Variants in GPC5 observed in about 807,000 individuals in gnomAD.
The protein encoded by GPC5 is glypican 5, also known as glypican-5.
A neutral mutation model predicts 53.9 loss-of-function variants in GPC5; 47 were observed. The observed-to-expected ratio is 0.87, with a 90% CI of 0.69 to 1.11. The LOEUF (loss-of-function observed/expected upper bound fraction) is 1.11, where lower values mean the gene tolerates loss of function less well. GPC5 is among the 50% of genes most tolerant of loss of function. The pLI is 0.00. For synonymous variants in GPC5, 286 were observed against 263.3 expected, an observed-to-expected ratio of 1.09 and a Z score of -0.84; for missense variants, 748 against 713.1, an observed-to-expected ratio of 1.05 and a Z score of -0.56.
chr13:92,639,104 C>T (rs1479859475), intron 7 of GPC5, among the ~76,000 whole-genome samples: 2 of 152,140 alleles, frequency 1.3e-5, no homozygotes, highest in African/African-American at 2.4e-5. Flanking sequence ...GTTCAGTAAA[C>T]ATTTTTAGTA....
intron 1 of GPC5, among the ~76,000 whole-genome samples, chr13:91,411,657 T>C (rs768230779): frequency 4.6e-5 from 7 of 152,194 alleles, no homozygotes; most frequent in Admixed American, 1.3e-4. Context: ...AACTACTTTC[T>C]CTCTTTGCTT....
chr13:92,072,029 A>T (rs1400736692), intron 6 of GPC5, among the ~76,000 whole-genome samples: 2 of 146,378 alleles, frequency 1.4e-5, no homozygotes, highest in African/African-American at 4.9e-5. Context: ...CCACATATGT[A>T]TATAAAATAA....
At chr13:91,519,609 C>T (rs963421951) in intron 2 of GPC5, among the ~76,000 whole-genome samples, 2 of 152,170 alleles carry the variant, frequency 1.3e-5, no homozygotes, top group African/African-American at 4.8e-5. Flanking sequence ...TGAGGCCTCC[C>T]CAGCCATGTG....
intron 7 of GPC5, among the ~76,000 whole-genome samples, chr13:92,359,829 C>T (rs1566556039): frequency 6.6e-6 from 1 of 151,788 alleles, no homozygotes; most frequent in East Asian, 1.9e-4. Context: ...ATTCAATCAC[C>T]TCCCACCAGG....
At chr13:92,257,546 A>ATTTTTTTTTTTT (rs398023955) in intron 7 of GPC5, among the ~76,000 whole-genome samples, 2,717 of 72,656 alleles carry the variant, frequency 0.037, 461 homozygotes, top group Non-Finnish European at 0.049. Context: ...TAATACAGGG[A>ATTTTTTTTTTTT]TTTTTTTTTT....
At chr13:91,790,856 G>T (rs1308221609) in intron 5 of GPC5, among the ~76,000 whole-genome samples, 1 of 152,020 alleles carries the variant, frequency 6.6e-6, no homozygotes, top group Non-Finnish European at 1.5e-5. Context: ...GTGATGAATG[G>T]CTGTGCTAAC....
chr13:91,705,883 CTTT>C (rs11411010), intron 3 of GPC5, among the ~76,000 whole-genome samples: 1 of 134,262 alleles, frequency 7.4e-6, no homozygotes, highest in Non-Finnish European at 1.6e-5. Context: ...TCTTTCTTTT[CTTT>C]TTTTTTTTTT....
At chr13:91,474,204 C>A (rs2139189950) in intron 2 of GPC5, among the ~76,000 whole-genome samples, 1 of 152,148 alleles carries the variant, frequency 6.6e-6, no homozygotes, top group East Asian at 1.9e-4. Flanking sequence ...CTTTGTAAAT[C>A]TATTTTATTC....
At chr13:92,216,822 T>C (rs1465626857) in intron 7 of GPC5, among the ~76,000 whole-genome samples, 2 of 151,780 alleles carry the variant, frequency 1.3e-5, no homozygotes, top group African/African-American at 4.8e-5. Flanking sequence ...TCTACCAAAA[T>C]ACAAAGATTA....
intron 5 of GPC5, among the ~76,000 whole-genome samples, chr13:91,804,649 C>T (rs1453676447): frequency 5.3e-5 from 8 of 152,098 alleles, no homozygotes; most frequent in Non-Finnish European, 8.8e-5. Flanking sequence ...TGATAATTCT[C>T]GCTAATTTTA....
At chr13:92,520,984 TAACA>T (rs1366990301) in intron 7 of GPC5, among the ~76,000 whole-genome samples, 8 of 150,878 alleles carry the variant, frequency 5.3e-5, no homozygotes, top group African/African-American at 9.7e-5. Context: ...TATACACCAA[TAACA>T]AACAGAGAGC....
At position 92,732,324 on chromosome 13, in the gene GPC5, G is replaced by A. The variant is rs1216817142; in HGVS notation, c.1562-133958G>A. On this transcript the variant is annotated intron_variant, in intron 7 of 7. Coordinates refer to ENST00000377067, the MANE Select transcript of GPC5 (RefSeq NM_004466.6). ...TAAAATCCCTCAGAGGCTCAAACTTGTTATTGTCTTGAGCTTCTCACTTAT... is the reference window on the plus strand; with the variant it reads ...TAAAATCCCTCAGAGGCTCAAACTTATTATTGTCTTGAGCTTCTCACTTAT... Among the ~76,000 whole-genome samples, 5 of 151,428 alleles carry A rather than the reference G, an allele frequency of 3.3e-5. No homozygotes were observed. The Admixed American group carries it at 3.3e-4, about 10-fold the overall frequency.
chr13:92,291,021 T>G (rs1253319388), intron 7 of GPC5, among the ~76,000 whole-genome samples: 1 of 152,096 alleles, frequency 6.6e-6, no homozygotes, highest in Non-Finnish European at 1.5e-5. Flanking sequence ...AGTGAGGGGT[T>G]TAGCACCTGG....
intron 7 of GPC5, among the ~76,000 whole-genome samples, chr13:92,461,008 T>C (rs1566600339): frequency 6.6e-6 from 1 of 152,050 alleles, no homozygotes; most frequent in Non-Finnish European, 1.5e-5. Context: ...AAAGAAACAT[T>C]GGGTTTTAAA....
rs1355681159 is a variant in GPC5 at position 92,158,763 on chromosome 13, A to T, written c.1561+13774A>T. 2.0e-5 allele frequency among the ~76,000 whole-genome samples: 3 copies of T among 152,136 alleles called. No individual in the cohort carries two copies. The East Asian group carries it at 5.8e-4, about 29-fold the overall frequency. Reference sequence around the variant, plus strand: ...TACACTCTTGGTGAAATACTATTTTAAAACTGTTTTTTGCTGAGATATGGA... The same window carrying T: ...TACACTCTTGGTGAAATACTATTTTTAAACTGTTTTTTGCTGAGATATGGA... On this transcript the variant is annotated intron_variant, in intron 7 of 7. Transcript: ENST00000377067.
At chr13:91,708,327 C>T (rs776722109) in intron 3 of GPC5, among the ~76,000 whole-genome samples, 1 of 151,472 alleles carries the variant, frequency 6.6e-6, no homozygotes, top group South Asian at 2.1e-4. Context: ...GTTGGGTTTC[C>T]GTATGTATAT....
intron 3 of GPC5, among the ~76,000 whole-genome samples, chr13:91,720,502 C>A (rs984958641): frequency 2.6e-5 from 4 of 152,122 alleles, no homozygotes; most frequent in Non-Finnish European, 5.9e-5. Flanking sequence ...TCATTTTCAA[C>A]TTCCTTTGGT....
chr13:92,809,026 A>G (rs1423503851), intron 7 of GPC5, among the ~76,000 whole-genome samples: 1 of 152,116 alleles, frequency 6.6e-6, no homozygotes, highest in African/African-American at 2.4e-5. Flanking sequence ...ATATCAAACC[A>G]GGAGGTAGAC....
chr13:92,206,227 G>A (rs1461326917), intron 7 of GPC5, among the ~76,000 whole-genome samples: 1 of 143,762 alleles, frequency 7.0e-6, no homozygotes, highest in African/African-American at 2.6e-5. Flanking sequence ...GTGTAGTGGC[G>A]CAATCTCGGC....
Sources: gnomAD v4.1 joint callset for allele counts (sites outside exome capture counted in the v4.1 genomes callset) on GRCh38, gnomAD v4.1.1 for gene constraint, MANE v1.5 for transcripts, NCBI Gene and HGNC (gene_info 2026-07-23, HGNC 2026-07-21) for gene names.